Variants in CPLANE1 observed in about 807,000 individuals in gnomAD.
CPLANE1 encodes ciliogenesis and planar polarity effector 1.
Under a neutral mutation model 362.5 loss-of-function variants are expected in CPLANE1, and 263 were observed. That is an observed-to-expected ratio of 0.73 (90% CI 0.66 to 0.80). The LOEUF (loss-of-function observed/expected upper bound fraction) is 0.80, where lower values mean the gene tolerates loss of function less well. Ranked by LOEUF, CPLANE1 falls within the 30% of genes least tolerant of loss-of-function variation. The pLI, the probability that CPLANE1 is intolerant of heterozygous loss-of-function variation, is 0.00. For synonymous variants in CPLANE1, 1,212 were observed against 1,302.6 expected (o/e 0.93, Z 1.50); for missense variants, 3,461 against 3,793.4 (o/e 0.91, Z 2.30).
At chr5:37,095,497 G>A in the CPLANE1 span, among the ~76,000 whole-genome samples, 30 of 152,196 alleles carry the variant, frequency 2.0e-4, no homozygotes, top group South Asian at 6.2e-4. Flanking sequence ...GGGAAAAGTC[G>A]AAAGCATTCC....
chr5:37,124,875 T>A, intron 47 of CPLANE1: 1 of 1,007,096 alleles, frequency 9.9e-7, no homozygotes, highest in Non-Finnish European at 1.2e-6. Context: ...GAAGAGTGAG[T>A]TTTTAAAATG....
In CPLANE1 at chr5:37,157,297, C is replaced by A. The variant is rs759889691; in HGVS notation, c.8119+16G>T. On this transcript the variant is annotated intron_variant, in intron 41 of 52. Coordinates refer to ENST00000651892, the MANE Select transcript of CPLANE1 (RefSeq NM_001384732.1). ...TAATTCAGGAGAGGGTCATGCTATA[C>A]CTCTTGGCTGTTTACCTTTGTTCTG... is the stretch of plus-strand genomic sequence containing the variant. 1.2e-4 allele frequency: 160 copies of A among 1,328,794 alleles called. No homozygotes were observed. Among genetic ancestry groups the A allele is most frequent in the Non-Finnish European group, 1.6e-4 (155 of 999,380 alleles). 82.3% of individuals were successfully genotyped at this position (1,328,794 alleles called of 1,614,324 possible). A position where few individuals can be genotyped will look rare whatever the true frequency, so the allele number is the denominator to read the frequency against.
At chr5:37,151,918 C>A (rs546152551) in intron 42 of CPLANE1, among the ~76,000 whole-genome samples, 94 of 152,016 alleles carry the variant, frequency 6.2e-4, no homozygotes, top group Admixed American at 1.8e-3. Context: ...ACCAAATAAG[C>A]ATCATAGTAT....
intron 16 of CPLANE1, among the ~76,000 whole-genome samples, chr5:37,212,744 C>A (rs1052090435): frequency 6.6e-5 from 10 of 152,022 alleles, no homozygotes; most frequent in Non-Finnish European, 1.5e-4. Context: ...GTAAATGGTC[C>A]AAATAAAATA....
intron 16 of CPLANE1, among the ~76,000 whole-genome samples, chr5:37,208,667 ACT>A (rs1224571999): frequency 3.0e-5 from 4 of 133,682 alleles, no homozygotes; most frequent in African/African-American, 1.2e-4. Context: ...ATAGAGCAAG[ACT>A]CTGTCTCCCC....
At chr5:37,114,888 G>C in intron 51 of CPLANE1, 72 bp downstream of exon 51, 1 of 896,528 alleles carries the variant, frequency 1.1e-6, no homozygotes, top group South Asian at 1.5e-5. Flanking sequence ...AACAGAGTGA[G>C]ACTCTGTCTC....
chr5:37,177,561 A>G, intron 30 of CPLANE1, 60 bp downstream of exon 30: 1 of 1,231,892 alleles, frequency 8.1e-7, no homozygotes, highest in Non-Finnish European at 1.2e-6. Context: ...GAAGGAAAAA[A>G]GCTGAAAGCT....
chr5:37,120,201 AG>A lies in CPLANE1; in HGVS notation c.9310+14del, dbSNP rs1230832660. 7.5e-6 allele frequency: 12 copies of A among 1,590,088 alleles called. No individual in the cohort carries two copies. The South Asian group carries it at 1.2e-4, about 16-fold the overall frequency. On this transcript the variant is annotated intron_variant, in intron 50 of 52. Coordinates refer to ENST00000651892, the MANE Select transcript of CPLANE1 (RefSeq NM_001384732.1). ...GTCCAAATCAGACAATTTATAAAAA[AG>A]CTTTAAGTCTTACCATGTGGCCAAG...
intron 9 of CPLANE1, among the ~76,000 whole-genome samples, chr5:37,229,266 C>G (rs1797165943): frequency 6.6e-6 from 1 of 150,492 alleles, no homozygotes; most frequent in Admixed American, 6.7e-5. Flanking sequence ...TAAATATAAT[C>G]GAGGAGGCCG....
chr5:37,212,058 C>T (rs1490770403), intron 16 of CPLANE1: 3 of 895,636 alleles, frequency 3.3e-6, no homozygotes, highest in African/African-American at 1.6e-5. Context: ...AGAAAGAAGG[C>T]AGAGTAACCT....
At chr5:37,096,680 G>T in the CPLANE1 span, among the ~76,000 whole-genome samples, 1 of 152,214 alleles carries the variant, frequency 6.6e-6, no homozygotes, top group Non-Finnish European at 1.5e-5. Context: ...CTAATAGCCA[G>T]AATCTACAAT....
At chr5:37,246,055 G>A in intron 2 of CPLANE1, 1 of 341,906 alleles carries the variant, frequency 2.9e-6, no homozygotes, top group Non-Finnish European at 5.1e-6. Context: ...TAATAGGTAA[G>A]GCTACCTAGT....
Position 37,221,307 on chromosome 5 carries a change from G to GAAAA in CPLANE1, c.2746+13_2746+16dup. On this transcript the variant is annotated intron_variant, in intron 15 of 52. Coordinates refer to ENST00000651892, the MANE Select transcript of CPLANE1 (RefSeq NM_001384732.1). ...GTCTCTTTTTAAAAATACAAAGAAA[G>GAAAA]AAAAAAAAAAGCATACCTGAAAAAT... The GAAAA allele has an allele frequency of 7.6e-7, 1 of 1,323,618 alleles. No individual in the cohort carries two copies. Among genetic ancestry groups the GAAAA allele is most frequent in the Non-Finnish European group, 1.0e-6 (1 of 1,000,872 alleles). 82.0% of individuals were successfully genotyped at this position (1,323,618 alleles called of 1,614,324 possible).
At position 37,107,521 on chromosome 5, in the gene CPLANE1, T is replaced by C. The variant is rs1757853875; in HGVS notation, c.*81A>G. The C allele has an allele frequency of 3.6e-6, 5 of 1,372,938 alleles. No homozygotes were observed. The highest frequency in any genetic ancestry group is 4.7e-6 in the Non-Finnish European group (5 of 1,054,336). 85.0% of individuals were successfully genotyped at this position (1,372,938 alleles called of 1,614,324 possible). On this transcript the variant is annotated 3_prime_UTR_variant, in exon 53 of 53. Transcript: ENST00000651892. ...TTCACATTGCTTCTTTCATTGCTTCTGTCCCTTAAACCTGTTAATCTTTCA... is the reference window on the plus strand; with the variant it reads ...TTCACATTGCTTCTTTCATTGCTTCCGTCCCTTAAACCTGTTAATCTTTCA...
chr5:37,239,014 T>C (rs1799677861), intron 7 of CPLANE1, 54 bp from the exon 8 acceptor site: 24 of 863,054 alleles, frequency 2.8e-5, no homozygotes, highest in Non-Finnish European at 4.2e-5. Flanking sequence ...ACTGTAACCA[T>C]TATTTATAAT....
chr5:37,147,400 C>T (rs1003768901), intron 43 of CPLANE1, among the ~76,000 whole-genome samples: 8 of 152,162 alleles, frequency 5.3e-5, no homozygotes, highest in Non-Finnish European at 8.8e-5. Flanking sequence ...ACTCCTTTTA[C>T]AAGCTAAAGA....
chr5:37,119,653 A>C (rs1289532832), intron 50 of CPLANE1, among the ~76,000 whole-genome samples: 1 of 149,658 alleles, frequency 6.7e-6, no homozygotes, highest in Non-Finnish European at 1.5e-5. Context: ...CCTGGGCAAC[A>C]AGAGTGAAAC....
At chr5:37,146,065 A>T (rs1269464342) in intron 43 of CPLANE1, among the ~76,000 whole-genome samples, 1 of 152,234 alleles carries the variant, frequency 6.6e-6, no homozygotes, top group East Asian at 1.9e-4. Flanking sequence ...TTCTTCAACA[A>T]AGAAAACTTC....
the CPLANE1 span, among the ~76,000 whole-genome samples, chr5:37,100,519 G>A: frequency 1.3e-5 from 2 of 152,280 alleles, no homozygotes; most frequent in South Asian, 4.1e-4. Flanking sequence ...TAGCTTTGTA[G>A]TATACTTTGA....
Sources: gnomAD v4.1 joint callset for allele counts (sites outside exome capture counted in the v4.1 genomes callset) on GRCh38, gnomAD v4.1.1 for gene constraint, MANE v1.5 for transcripts, NCBI Gene and HGNC (gene_info 2026-07-23, HGNC 2026-07-21) for gene names.